The following LTA variants were observed in gnomAD, a reference collection of about 807,000 sequenced individuals.
LTA encodes the protein lymphotoxin alpha.
Under a neutral mutation model 15.1 loss-of-function variants are expected in LTA, and 6 were observed. The ratio of observed to expected loss-of-function variants is 0.40; its 90% CI spans 0.22 to 0.78. The LOEUF (loss-of-function observed/expected upper bound fraction) is 0.78, where lower values mean the gene tolerates loss of function less well. LTA is among the 30% of genes least tolerant of loss of function. The probability of loss-of-function intolerance (pLI) is 0.38; values close to 1 mark genes in which losing one functional copy is unlikely to be tolerated. For missense variants in LTA, 173 were observed against 249.5 expected, an observed-to-expected ratio of 0.69 and a Z score of 2.06; for synonymous variants, 87 against 107.3, an observed-to-expected ratio of 0.81 and a Z score of 1.17.
chr6:31,573,616 C>T lies in LTA; in HGVS notation c.541C>T (p.Leu181=), dbSNP rs768331448. The change falls in exon 4 of 4, where the codon CTA becomes TTA. Residue 181 remains leucine, a synonymous_variant. Transcript: ENST00000418386. ...GTTCCAGCTCACCCAGGGAGACCAG[C>T]TATCCACCCACACAGATGGCATCCC... The part of the protein sequence containing the change: ...AAFQLTQGDQ[L]STHTDGIPHL... 9 of 1,614,102 alleles carry T rather than the reference C, an allele frequency of 5.6e-6. No homozygotes were observed. Among genetic ancestry groups the T allele is most frequent in the Non-Finnish European group, 7.6e-6 (9 of 1,179,960 alleles).
upstream of LTA, among the ~76,000 whole-genome samples, chr6:31,568,733 A>G (rs1423031325): frequency 6.6e-6 from 1 of 152,184 alleles, no homozygotes; most frequent in African/African-American, 2.4e-5. This position sits in a 1 kb window ranked among gnomAD's most constrained non-coding sequence, Gnocchi z 4.1. Context: ...TGCCCAAGAA[A>G]GAAACCAAAT....
At chr6:31,567,112 A>G (rs543916147), upstream of LTA, among the ~76,000 whole-genome samples, 2 of 151,880 alleles carry the variant, frequency 1.3e-5, no homozygotes, top group African/African-American at 4.8e-5. Context: ...CCTGACTAAC[A>G]TGGTGAAACC....
chr6:31,567,610 C>G (rs1458615310), upstream of LTA, among the ~76,000 whole-genome samples: 2 of 148,994 alleles, frequency 1.3e-5, 1 homozygote, highest in South Asian at 4.2e-4. Flanking sequence ...CTCTTTCTCT[C>G]TCTCTCTCTC....
At chr6:31,567,567 GAA>G (rs908052187), upstream of LTA, among the ~76,000 whole-genome samples, 1 of 133,074 alleles carries the variant, frequency 7.5e-6, no homozygotes, top group Non-Finnish European at 1.6e-5. Flanking sequence ...CATGTCAAAA[GAA>G]AAAAAAATCC....
chr6:31,565,560 T>A, the LTA span, among the ~76,000 whole-genome samples: 4 of 152,212 alleles, frequency 2.6e-5, no homozygotes, highest in Admixed American at 6.5e-5. Context: ...TTCTCTAGCT[T>A]GGACCTTGCC....
At chr6:31,571,183 C>T (rs1391793873), upstream of LTA, among the ~76,000 whole-genome samples, 1 of 151,936 alleles carries the variant, frequency 6.6e-6, no homozygotes, top group Non-Finnish European at 1.5e-5. Context: ...GCCTCAGCCT[C>T]CCGAGTAGCT....
At chr6:31,566,499 G>A in the LTA span, among the ~76,000 whole-genome samples, 3 of 151,722 alleles carry the variant, frequency 2.0e-5, no homozygotes, top group East Asian at 1.9e-4. Context: ...AATTAGCCAG[G>A]CATGGTGACA....
chr6:31,566,543 C>A, the LTA span, among the ~76,000 whole-genome samples: 4 of 141,186 alleles, frequency 2.8e-5, no homozygotes, highest in Non-Finnish European at 6.1e-5. Context: ...GGGAGACTGA[C>A]ATAGGTGGAT....
Position 31,572,395 on chromosome 6 carries a change from T to A in LTA, c.-61T>A. On this transcript the variant is annotated 5_prime_UTR_variant, in exon 1 of 4. Transcript: ENST00000418386. ...GTCCTGCCCTCTGCCTGGGCCTCGG[T>A]CCCTCCTGCACCTGCTGCCTGGATC... 1 of 440,736 alleles carries A rather than the reference T, an allele frequency of 2.3e-6. No individual in the cohort carries two copies. Among genetic ancestry groups the A allele is most frequent in the Non-Finnish European group, 4.1e-6 (1 of 244,442 alleles). 27.3% of individuals were successfully genotyped at this position (440,736 alleles called of 1,614,324 possible). A position where few individuals can be genotyped will look rare whatever the true frequency, so the allele number is the denominator to read the frequency against.
the LTA span, among the ~76,000 whole-genome samples, chr6:31,562,196 T>G: frequency 4.2e-4 from 64 of 152,018 alleles, no homozygotes; most frequent in Middle Eastern, 3.4e-3. Flanking sequence ...TTGAAAAGAT[T>G]GTTGGGTTCA....
upstream of LTA, among the ~76,000 whole-genome samples, chr6:31,568,129 G>A (rs916253698): frequency 1.3e-5 from 2 of 152,106 alleles, no homozygotes; most frequent in African/African-American, 4.8e-5. This position sits in a 1 kb window ranked among gnomAD's most constrained non-coding sequence, Gnocchi z 4.1. Flanking sequence ...TGGCCTCACT[G>A]GAATACAAGC....
chr6:31,571,048 A>C (rs1195702658), upstream of LTA, among the ~76,000 whole-genome samples: 1 of 137,792 alleles, frequency 7.3e-6, no homozygotes, highest in African/African-American at 2.8e-5. Context: ...AAAAAGGAAA[A>C]AAATTTTGGA....
Position 31,574,314 on chromosome 6 carries a change from T to G in LTA, c.*621T>G. The G allele has an allele frequency of 5.8e-6, 1 of 172,006 alleles. No homozygotes were observed. The highest frequency in any genetic ancestry group is 1.3e-5 in the Non-Finnish European group (1 of 79,650). 10.7% of individuals were successfully genotyped at this position (172,006 alleles called of 1,614,324 possible). On this transcript the variant is annotated 3_prime_UTR_variant, in exon 4 of 4. Coordinates refer to ENST00000418386, the MANE Select transcript of LTA (RefSeq NM_000595.4). ...CCTCGATGAAGCCCAATAAACCTCT[T>G]TTCTCTGAAATGCTGTCTGCTTGTG...
Position 31,573,577 on chromosome 6 carries a change from T to A in LTA, c.502T>A (p.Tyr168Asn). Residue 168 changes from tyrosine (Y) to asparagine (N), a missense_variant, in exon 4 of 4, where the codon TAC becomes AAC. By Grantham distance (143) the Tyr-to-Asn change is moderately radical (BLOSUM62 -2). Coordinates refer to ENST00000418386, the MANE Select transcript of LTA (RefSeq NM_000595.4). The part of the protein sequence containing the change: ...GLQEPWLHSM[Y>N]HGAAFQLTQG... Reference sequence around the variant, plus strand: ...GCAGGAACCCTGGCTGCACTCGATGTACCACGGGGCTGCGTTCCAGCTCAC... The same window carrying A: ...GCAGGAACCCTGGCTGCACTCGATGAACCACGGGGCTGCGTTCCAGCTCAC... 6.2e-7 allele frequency: 1 copy of A among 1,614,180 alleles called. No individual in the cohort carries two copies. The highest frequency in any genetic ancestry group is 1.1e-5 in the South Asian group (1 of 91,090).
In LTA at chr6:31,573,685, G is replaced by T; in HGVS notation, c.610G>T (p.Ala204Ser). 2 of 1,613,676 alleles carry T rather than the reference G, an allele frequency of 1.2e-6. No individual in the cohort carries two copies. Among genetic ancestry groups the T allele is most frequent in the South Asian group, 2.2e-5 (2 of 91,058 alleles). Reference sequence around the variant, plus strand: ...TAGTACTGTCTTCTTTGGAGCCTTCGCTCTGTAGAACTTGGAAAAATCCAG... The same window carrying T: ...TAGTACTGTCTTCTTTGGAGCCTTCTCTCTGTAGAACTTGGAAAAATCCAG... Reference protein sequence around the residue: ...SPSTVFFGAFAL With the variant: ...SPSTVFFGAFSL Residue 204 changes from alanine to serine, a missense_variant, in exon 4 of 4, where the codon GCT becomes TCT. By Grantham distance (99) the Ala-to-Ser change is moderately conservative. Transcript: ENST00000418386.
At chr6:31,572,642 G>GCCGTATCATTAAAACAAGTGC in intron 1 of LTA, 92 bp from the exon 2 acceptor site, 1 of 828,696 alleles carries the variant, frequency 1.2e-6, no homozygotes, top group Non-Finnish European at 2.0e-6. Context: ...CTCGGGGGTC[G>GCCGTATCATTAAAACAAGTGC]GGGGGTGCTC....
At chr6:31,572,704 GTC>G (rs5875327) in intron 1 of LTA, 28 bp from the exon 2 acceptor site, 109,571 of 1,170,792 alleles carry the variant, frequency 0.094, no homozygotes, top group East Asian at 0.13. Flanking sequence ...CCCGCTCACT[GTC>G]TCTCTCTCTC....
At chr6:31,560,736 A>T in the LTA span, among the ~76,000 whole-genome samples, 1 of 152,158 alleles carries the variant, frequency 6.6e-6, no homozygotes, top group Non-Finnish European at 1.5e-5. Flanking sequence ...GAAAAGAATA[A>T]TGAGATTGAA....
At position 31,572,821 on chromosome 6, in the gene LTA, G is replaced by T; in HGVS notation, c.79G>T (p.Val27Phe). 5 of 1,611,476 alleles carry T rather than the reference G, an allele frequency of 3.1e-6. No individual in the cohort carries two copies. Among genetic ancestry groups the T allele is most frequent in the Middle Eastern group, 1.7e-4 (1 of 6,060 alleles). ...CCTCCTCCTTCTGGGGCTGCTGCTG[G>T]TTCTGCTGCCTGGGGCCCAGGTGAG... ...LHLLLLGLLLVLLPGAQGLPG... is the reference protein window; with the variant it reads ...LHLLLLGLLLFLLPGAQGLPG... The change falls in exon 2 of 4, where the codon GTT (valine) becomes TTT (phenylalanine). Residue 27 changes from valine to phenylalanine, a missense_variant. Physicochemically the swap from Val to Phe is conservative, Grantham distance 50 (BLOSUM62 -1). Transcript: ENST00000418386.
Sources: allele counts gnomAD v4.1 joint callset (sites outside exome capture counted in the v4.1 genomes callset), GRCh38; gene constraint gnomAD v4.1.1; non-coding constraint Gnocchi (gnomAD v3.1); transcripts MANE v1.5; gene names NCBI Gene and HGNC (gene_info 2026-07-23, HGNC 2026-07-21).